Variants in SLC25A18 observed in about 807,000 individuals in gnomAD.
SLC25A18 encodes the protein mitochondrial glutamate carrier 2.
Under a neutral mutation model 31.1 loss-of-function variants are expected in SLC25A18, and 24 were observed. That is an observed-to-expected ratio of 0.77 (90% CI 0.56 to 1.08). The LOEUF (loss-of-function observed/expected upper bound fraction) is 1.08, where lower values mean the gene tolerates loss of function less well. Among genes scored for constraint, SLC25A18 ranks in the 50% least tolerant of loss-of-function variants. The probability of loss-of-function intolerance (pLI) is 0.00; values close to 1 mark genes in which losing one functional copy is unlikely to be tolerated. For synonymous variants in SLC25A18, 173 were observed against 161.9 expected (o/e 1.07, Z -0.52); for missense variants, 371 against 418.5 (o/e 0.89, Z 0.99).
At chr22:17,584,446 GGA>G (rs60872688) in intron 7 of SLC25A18, among the ~76,000 whole-genome samples, 2,248 of 116,738 alleles carry the variant, frequency 0.019, 31 homozygotes, top group South Asian at 0.045. Context: ...AAGGAAGGAA[GGA>G]GAGAGAGAGA....
In SLC25A18 at chr22:17,569,972, T is replaced by C. The variant is rs1161981077; in HGVS notation, c.-215T>C. 2.9e-5 allele frequency: 29 copies of C among 985,312 alleles called. No homozygotes were observed. Among genetic ancestry groups the C allele is most frequent in the Non-Finnish European group, 3.4e-5 (28 of 829,974 alleles). 61.0% of individuals were successfully genotyped at this position (985,312 alleles called of 1,614,324 possible). ...CCTGGGTTCCAGAAAAGGCAGAGGT[T>C]CTTACCGAAAGCAGGTAAGTGTCTT... On this transcript the variant is annotated 5_prime_UTR_variant, in exon 2 of 11. Coordinates refer to ENST00000327451, the MANE Select transcript of SLC25A18 (RefSeq NM_031481.3).
At chr22:17,576,112 G>A (rs1253180204) in intron 2 of SLC25A18, among the ~76,000 whole-genome samples, 1 of 152,158 alleles carries the variant, frequency 6.6e-6, no homozygotes. Context: ...CCAGCACTTT[G>A]GGAGGCTGAG....
At chr22:17,581,245 G>A (rs1407283879) in intron 4 of SLC25A18, 86 bp downstream of exon 4, 46 of 1,359,158 alleles carry the variant, frequency 3.4e-5, no homozygotes, top group African/African-American at 9.7e-5. Context: ...GGCAGCGCGC[G>A]TGAGCCTGGG....
intron 5 of SLC25A18, 140 bp from the exon 6 acceptor site, chr22:17,582,423 G>C: frequency 1.8e-6 from 1 of 557,556 alleles, no homozygotes; most frequent in South Asian, 2.5e-5. Context: ...AGTTATTTCA[G>C]TGAATTAGGC....
In SLC25A18 at chr22:17,563,590, A is replaced by G. The variant is rs1195531325; in HGVS notation, c.-387A>G. 2.4e-5 allele frequency: 20 copies of G among 836,098 alleles called. No homozygotes were observed. The highest frequency in any genetic ancestry group is 2.9e-5 in the Non-Finnish European group (20 of 693,670). 51.8% of individuals were successfully genotyped at this position (836,098 alleles called of 1,614,324 possible). On this transcript the variant is annotated 5_prime_UTR_variant, in exon 1 of 11. Transcript: ENST00000327451. Reference sequence around the variant, plus strand: ...AAAAGCAATGAAGCCAGTTCCTTGGATATATCCACGGGCTTTGCTTTGAGA... The same window carrying G: ...AAAAGCAATGAAGCCAGTTCCTTGGGTATATCCACGGGCTTTGCTTTGAGA...
At chr22:17,569,607 C>G in intron 1 of SLC25A18, 2 of 985,454 alleles carry the variant, frequency 2.0e-6, no homozygotes, top group Non-Finnish European at 2.4e-6. Context: ...TTCCAGGTCT[C>G]TGAGTGGGCG....
At chr22:17,577,838 A>G (rs1334088719) in intron 2 of SLC25A18, among the ~76,000 whole-genome samples, 1 of 149,958 alleles carries the variant, frequency 6.7e-6, no homozygotes, top group Non-Finnish European at 1.5e-5. Flanking sequence ...CACCATGCCC[A>G]GCCAATTTTT....
intron 1 of SLC25A18, among the ~76,000 whole-genome samples, chr22:17,564,857 CAAA>C (rs695292): frequency 8.9e-6 from 1 of 112,358 alleles, no homozygotes; most frequent in Non-Finnish European, 1.8e-5. Context: ...ACTCTGTCTC[CAAA>C]AAAAAAAAAT....
chr22:17,580,694 C>T, intron 3 of SLC25A18: 1 of 1,065,742 alleles, frequency 9.4e-7, no homozygotes, highest in Non-Finnish European at 1.1e-6. Flanking sequence ...GAACTGCACA[C>T]GTGGCTCCAG....
At chr22:17,577,297 T>C (rs425676) in intron 2 of SLC25A18, among the ~76,000 whole-genome samples, 49,845 of 151,796 alleles carry the variant, frequency 0.33, 8,540 homozygotes, top group East Asian at 0.56. Flanking sequence ...GCTGGGATTA[T>C]AGGCGTGAGC....
At chr22:17,568,617 A>C (rs530288282) in intron 1 of SLC25A18, among the ~76,000 whole-genome samples, 4 of 112,844 alleles carry the variant, frequency 3.5e-5, no homozygotes, top group Non-Finnish European at 4.9e-5. Context: ...GCTGGAGTGC[A>C]GTGGTGCGAT....
In SLC25A18 at chr22:17,563,871, A is replaced by G. The variant is rs561332545; in HGVS notation, c.-264+158A>G. Reference sequence around the variant, plus strand: ...ACTGGACTCTAGTGAGGTGCTAGAAAGAGTGTACTGCTTAGCTGAGATAGC... The same window carrying G: ...ACTGGACTCTAGTGAGGTGCTAGAAGGAGTGTACTGCTTAGCTGAGATAGC... On this transcript the variant is annotated intron_variant, in intron 1 of 10. Transcript: ENST00000327451. Among the ~76,000 whole-genome samples the G allele has an allele frequency of 5.9e-5, 9 of 152,354 alleles. No individual in the cohort carries two copies. The South Asian group carries it at 1.7e-3, about 28-fold the overall frequency.
chr22:17,590,157 T>A lies in SLC25A18; in HGVS notation c.869T>A (p.Val290Asp), dbSNP rs1423424893. The change falls in exon 11 of 11, where the codon GTC becomes GAC. Residue 290 changes from valine (V) to aspartate (D), a missense_variant. Coordinates refer to ENST00000327451, the MANE Select transcript of SLC25A18 (RefSeq NM_031481.3). ...AAAGGCGCTGGCTGCCGGGCACTGG[T>A]CATAGCACCTCTCTTTGGGATTGCT... ...FMKGAGCRAL[V>D]IAPLFGIAQG... The A allele has an allele frequency of 3.1e-6, 5 of 1,614,224 alleles. No homozygotes were observed. The highest frequency in any genetic ancestry group is 4.2e-6 in the Non-Finnish European group (5 of 1,180,042).
At position 17,573,570 on chromosome 22, in the gene SLC25A18, T is replaced by C. The variant is rs1257783621; in HGVS notation, c.-201+3584T>C. Among the ~76,000 whole-genome samples the C allele has an allele frequency of 2.0e-5, 3 of 152,116 alleles. No homozygotes were observed. The East Asian group carries it at 5.8e-4, about 29-fold the overall frequency. On this transcript the variant is annotated intron_variant, in intron 2 of 10. Transcript: ENST00000327451. ...ATGGTGTCTACAGCTGAGGTGTTCT[T>C]TCTGTCAAGCCGGTGTGCCTGCTGG...
At chr22:17,570,890 AG>A (rs1244972430) in intron 2 of SLC25A18, among the ~76,000 whole-genome samples, 1 of 152,226 alleles carries the variant, frequency 6.6e-6, no homozygotes. Context: ...ATGGGTTAAC[AG>A]GAGAGGGCTC....
rs147617879 is a variant in SLC25A18, at chr22:17,589,360, T to C, written c.731-230T>C. On this transcript the variant is annotated intron_variant, in intron 9 of 10. Coordinates refer to ENST00000327451, the MANE Select transcript of SLC25A18 (RefSeq NM_031481.3). ...GCCCGGCTCATTTTTGTATTTTTAG[T>C]AGAGATGGGGTTTCACTATGTTGGC... Among the ~76,000 whole-genome samples, 1,435 of 151,976 alleles carry C rather than the reference T, an allele frequency of 9.4e-3. 9 individuals are homozygous for C. The highest frequency in any genetic ancestry group is 0.013 in the Non-Finnish European group (913 of 67,962).
At chr22:17,577,409 C>T (rs1171101286) in intron 2 of SLC25A18, among the ~76,000 whole-genome samples, 1 of 151,960 alleles carries the variant, frequency 6.6e-6, no homozygotes, top group African/African-American at 2.4e-5. Context: ...CCGCCCGCCT[C>T]AGCCTCCCAA....
In SLC25A18 at chr22:17,590,348, TTG is replaced by T. The variant is rs1569197887; in HGVS notation, c.*114_*115del. ...ACTCTGGCCTGCCTGGTCCTCTGCG[TTG>T]TAGTGCTACCTCAATCTCGGGAGAA... On this transcript the variant is annotated 3_prime_UTR_variant, in exon 11 of 11. Transcript: ENST00000327451. The T allele has an allele frequency of 1.5e-5, 19 of 1,307,456 alleles. No homozygotes were observed. Among genetic ancestry groups the T allele is most frequent in the Non-Finnish European group, 1.9e-5 (18 of 940,780 alleles). The allele number at this position is 1,307,456 out of a possible 1,614,324, so 81.0% of individuals were successfully genotyped here.
intron 6 of SLC25A18, among the ~76,000 whole-genome samples, chr22:17,582,855 TAA>T (rs2057418230): frequency 1.3e-5 from 2 of 152,226 alleles, no homozygotes; most frequent in East Asian, 1.9e-4. Flanking sequence ...GTGTGACAGA[TAA>T]TATAGAGAAC....
Sources: allele counts gnomAD v4.1 joint callset (sites outside exome capture counted in the v4.1 genomes callset), GRCh38; gene constraint gnomAD v4.1.1; transcripts MANE v1.5; gene names NCBI Gene and HGNC (gene_info 2026-07-23, HGNC 2026-07-21).